Variants in SEC24B observed in about 807,000 individuals in gnomAD.
The protein encoded by SEC24B is SEC24 homolog B, COPII component.
A neutral mutation model predicts 142.8 loss-of-function variants in SEC24B; 45 were observed. That is an observed-to-expected ratio of 0.32 (90% CI 0.25 to 0.40). SEC24B has a LOEUF of 0.40. Ranked by LOEUF, SEC24B falls within the 10% of genes least tolerant of loss-of-function variation. The pLI is 1.00. For synonymous variants in SEC24B, 574 were observed against 568.2 expected (o/e 1.01, Z -0.15); for missense variants, 1,409 against 1,526.8 (o/e 0.92, Z 1.29).
intron 6 of SEC24B, among the ~76,000 whole-genome samples, chr4:109,506,096 G>C (rs896199338): frequency 6.6e-6 from 1 of 152,032 alleles, no homozygotes. Context: ...ATGTTGAAAA[G>C]CATTGTTGCT....
intron 11 of SEC24B, among the ~76,000 whole-genome samples, chr4:109,519,730 T>A (rs1439297438): frequency 6.6e-6 from 1 of 152,234 alleles, no homozygotes; most frequent in Non-Finnish European, 1.5e-5. Flanking sequence ...GACTATATCT[T>A]AATACCCTGA....
At chr4:109,527,503 G>A in intron 18 of SEC24B, 71 bp downstream of exon 18, 2 of 1,121,196 alleles carry the variant, frequency 1.8e-6, no homozygotes, top group Non-Finnish European at 2.7e-6. Flanking sequence ...GCTGGTGGCA[G>A]TGCGTCCGCC....
chr4:109,540,427 G>C lies in SEC24B; in HGVS notation c.*752G>C, dbSNP rs553969027. 35 of 152,554 alleles carry C rather than the reference G, an allele frequency of 2.3e-4. No homozygotes were observed. Among genetic ancestry groups the C allele is most frequent in the African/African-American group, 8.2e-4 (34 of 41,566 alleles). 9.5% of individuals were successfully genotyped at this position (152,554 alleles called of 1,614,324 possible). On this transcript the variant is annotated 3_prime_UTR_variant, in exon 24 of 24. Coordinates refer to ENST00000265175, the MANE Select transcript of SEC24B (RefSeq NM_006323.5). The stretch of plus-strand genomic sequence containing the variant: ...TTTTATGTAGATTTATTTATGATCA[G>C]CCTACTAATTAAAACTATTTCGCTT...
At chr4:109,523,589 A>G (rs910463436) in intron 14 of SEC24B, among the ~76,000 whole-genome samples, 4 of 152,206 alleles carry the variant, frequency 2.6e-5, no homozygotes, top group South Asian at 4.1e-4. Context: ...CAAATAATAA[A>G]TGAACAAAAA....
chr4:109,498,140 A>T (rs1268072729), intron 6 of SEC24B, among the ~76,000 whole-genome samples: 1 of 152,114 alleles, frequency 6.6e-6, no homozygotes, highest in African/African-American at 2.4e-5. Flanking sequence ...AAAAAATCAT[A>T]CTCAGACTTG....
intron 11 of SEC24B, among the ~76,000 whole-genome samples, chr4:109,518,797 TTCTG>T (rs1251843351): frequency 6.6e-6 from 1 of 150,874 alleles, no homozygotes; most frequent in Non-Finnish European, 1.5e-5. Flanking sequence ...TTGTTGATGT[TTCTG>T]TCTTTTTTTT....
intron 1 of SEC24B, among the ~76,000 whole-genome samples, chr4:109,434,996 A>T (rs897099040): frequency 3.3e-5 from 5 of 152,252 alleles, no homozygotes; most frequent in African/African-American, 1.2e-4. Context: ...AACCTTGGAA[A>T]GTAATTGACT....
chr4:109,444,222 A>G (rs1222089992), intron 1 of SEC24B, among the ~76,000 whole-genome samples: 2 of 151,944 alleles, frequency 1.3e-5, no homozygotes, highest in African/African-American at 4.8e-5. Flanking sequence ...CTCAAAAAAA[A>G]AAAAAAAAAA....
At position 109,537,419 on chromosome 4, in the gene SEC24B, A is replaced by T. The variant is rs543108565; in HGVS notation, c.3589-1074A>T. Among the ~76,000 whole-genome samples, 116 of 152,356 alleles carry T rather than the reference A, an allele frequency of 7.6e-4. 1 individual carries two copies. The highest frequency in any genetic ancestry group is 3.4e-3 in the Middle Eastern group (1 of 294). On this transcript the variant is annotated intron_variant, in intron 22 of 23. Coordinates refer to ENST00000265175, the MANE Select transcript of SEC24B (RefSeq NM_006323.5). Reference sequence around the variant, plus strand: ...TGTGTCCCATAGATATATTCATAGAAGTAGGCATATATACACACATGCTTA... The same window carrying T: ...TGTGTCCCATAGATATATTCATAGATGTAGGCATATATACACACATGCTTA...
intron 3 of SEC24B, among the ~76,000 whole-genome samples, chr4:109,477,734 T>G (rs28541279): frequency 0.12 from 17,971 of 152,124 alleles, 3,527 homozygotes; most frequent in African/African-American, 0.41. Context: ...TCCTCAAAAC[T>G]TATCAAAGCA....
chr4:109,488,492 A>G (rs1305369864), intron 4 of SEC24B, among the ~76,000 whole-genome samples: 2 of 152,070 alleles, frequency 1.3e-5, no homozygotes, highest in Non-Finnish European at 2.9e-5. Context: ...AATGTATCAC[A>G]TTTTATTTAT....
At chr4:109,439,732 C>G (rs1158064123) in intron 1 of SEC24B, among the ~76,000 whole-genome samples, 1 of 150,296 alleles carries the variant, frequency 6.7e-6, no homozygotes, top group East Asian at 2.0e-4. Context: ...AACTGCTGAC[C>G]TCAGATGATC....
Position 109,463,278 on chromosome 4 carries a change from G to T in SEC24B, c.511G>T (p.Val171Phe), listed in dbSNP as rs566527942. 1 of 1,614,162 alleles carries T rather than the reference G, an allele frequency of 6.2e-7. No homozygotes were observed. Among genetic ancestry groups the T allele is most frequent in the South Asian group, 1.1e-5 (1 of 91,078 alleles). The change falls in exon 2 of 24, where the codon GTT becomes TTT. Residue 171 changes from valine to phenylalanine, a missense_variant. Physicochemically the swap from Val to Phe is conservative, Grantham distance 50. Coordinates refer to ENST00000265175, the MANE Select transcript of SEC24B (RefSeq NM_006323.5). ...AGCCATGTACTCTGCCAGCTCTTCTGTTGCGTCTCAGGGATTTCCCTCTAC... is the reference window on the plus strand; with the variant it reads ...AGCCATGTACTCTGCCAGCTCTTCTTTTGCGTCTCAGGGATTTCCCTCTAC... ...SPAMYSASSSVASQGFPSTCG... is the reference protein window; with the variant it reads ...SPAMYSASSSFASQGFPSTCG...
chr4:109,527,532 G>A (rs1378896696), intron 18 of SEC24B, 100 bp downstream of exon 18: 18 of 853,352 alleles, frequency 2.1e-5, no homozygotes, highest in Non-Finnish European at 3.0e-5. Context: ...CAGCATTTTG[G>A]GAGGCTGAGG....
rs772567137 is a variant in SEC24B, at chr4:109,520,486, T to TA, written c.2245+4dup. On this transcript the variant is annotated splice_region_variant and intron_variant, in intron 12 of 23. Transcript: ENST00000265175. ...TGTTGATTGTGTCTGATATAGATGG[T>TA]AAGCAGTCAGTAAAATAAAAGCCTT... 6.5e-7 allele frequency: 1 copy of TA among 1,547,052 alleles called. No individual in the cohort carries two copies. Among genetic ancestry groups the TA allele is most frequent in the Admixed American group, 1.7e-5 (1 of 57,994 alleles).
intron 18 of SEC24B, among the ~76,000 whole-genome samples, chr4:109,529,995 A>G (rs1321118032): frequency 1.3e-5 from 2 of 152,152 alleles, no homozygotes; most frequent in African/African-American, 4.8e-5. Flanking sequence ...TGGCCTCCCA[A>G]AGTGCTGGGA....
At chr4:109,461,394 T>G (rs1169247665) in intron 1 of SEC24B, among the ~76,000 whole-genome samples, 1 of 152,212 alleles carries the variant, frequency 6.6e-6, no homozygotes, top group African/African-American at 2.4e-5. Context: ...TATAGCTTCA[T>G]CATAAAAGTT....
chr4:109,481,873 CTT>C (rs1240096948), intron 4 of SEC24B, 92 bp downstream of exon 4: 5 of 864,208 alleles, frequency 5.8e-6, no homozygotes, highest in Non-Finnish European at 7.1e-6. Flanking sequence ...AAAAAAGAGT[CTT>C]TGAAGATTTA....
Position 109,483,026 on chromosome 4 carries a change from A to ATATGTATTTATATATATGTATT in SEC24B, c.1165+1263_1165+1284dup, listed in dbSNP as rs1161309898. ...CACATATTATACATATGTTTTTTAT[A>ATATGTATTTATATATATGTATT]TATGTATTTATATATATGTATTTAT... On this transcript the variant is annotated intron_variant, in intron 4 of 23. Coordinates refer to ENST00000265175, the MANE Select transcript of SEC24B (RefSeq NM_006323.5). Among the ~76,000 whole-genome samples the ATATGTATTTATATATATGTATT allele has an allele frequency of 4.2e-5, 4 of 95,380 alleles. No homozygotes were observed. The East Asian group carries it at 7.1e-4, about 17-fold the overall frequency. 62.6% of individuals were successfully genotyped at this position (95,380 alleles called of 152,430 possible). A position where few individuals can be genotyped will look rare whatever the true frequency, so the allele number is the denominator to read the frequency against.
Sources: gnomAD v4.1 joint callset for allele counts (sites outside exome capture counted in the v4.1 genomes callset) on GRCh38, gnomAD v4.1.1 for gene constraint, MANE v1.5 for transcripts, NCBI Gene and HGNC (gene_info 2026-07-23, HGNC 2026-07-21) for gene names.